Variants in HDAC9 observed in about 807,000 individuals in gnomAD.
The protein encoded by HDAC9 is histone deacetylase 9, also known as MEF-2 interacting transcription repressor (MITR) protein.
In HDAC9, 41 loss-of-function variants were observed where a neutral mutation model predicts 139.4. The ratio of observed to expected loss-of-function variants is 0.29; its 90% CI spans 0.23 to 0.38. The LOEUF (loss-of-function observed/expected upper bound fraction) is 0.38. HDAC9 is among the 10% of genes least tolerant of loss of function. The pLI, the probability that HDAC9 is intolerant of heterozygous loss-of-function variation, is 1.00. For missense variants in HDAC9, 1,147 were observed against 1,297.0 expected (o/e 0.88, Z 1.78); for synonymous variants, 517 against 476.2 (o/e 1.09, Z -1.12).
chr7:18,714,472 G>A (rs1307384873), intron 12 of HDAC9, among the ~76,000 whole-genome samples: 2 of 152,102 alleles, frequency 1.3e-5, no homozygotes, highest in Non-Finnish European at 2.9e-5. Flanking sequence ...TCATTCCCCA[G>A]AATCTCCATA....
chr7:18,806,475 C>T (rs1793720701), intron 17 of HDAC9, among the ~76,000 whole-genome samples: 1 of 152,132 alleles, frequency 6.6e-6, no homozygotes, highest in African/African-American at 2.4e-5. Context: ...CTTTGTACCT[C>T]TACATCTCAG....
chr7:18,929,678 C>CT (rs1443353037), intron 22 of HDAC9, among the ~76,000 whole-genome samples: 19 of 152,134 alleles, frequency 1.2e-4, no homozygotes, highest in African/African-American at 4.6e-4. Flanking sequence ...TAGCTTACGC[C>CT]TGTAATTCCA....
chr7:18,515,342 A>G (rs1380761908), intron 2 of HDAC9, among the ~76,000 whole-genome samples: 1 of 152,212 alleles, frequency 6.6e-6, no homozygotes, highest in Admixed American at 6.5e-5. Context: ...CCAAAAACAC[A>G]TCAGTCATTC....
At chr7:18,841,087 T>C (rs1271390340) in intron 21 of HDAC9, among the ~76,000 whole-genome samples, 1 of 152,100 alleles carries the variant, frequency 6.6e-6, no homozygotes, top group African/African-American at 2.4e-5. Flanking sequence ...GCAGGGCACA[T>C]AAATAAGTTA....
At chr7:18,096,012 C>G (rs1470111566) in intron 1 of HDAC9, among the ~76,000 whole-genome samples, 5 of 152,134 alleles carry the variant, frequency 3.3e-5, no homozygotes, top group African/African-American at 9.7e-5. Flanking sequence ...ATCAAAATTC[C>G]TCAAATAATC....
chr7:18,834,515 G>GTTCTT (rs957747322), intron 19 of HDAC9, among the ~76,000 whole-genome samples: 1 of 145,486 alleles, frequency 6.9e-6, no homozygotes, highest in African/African-American at 2.5e-5. Context: ...GAACTGTCAA[G>GTTCTT]TTTTATATCA....
At chr7:18,541,031 A>G (rs1054443827) in intron 2 of HDAC9, among the ~76,000 whole-genome samples, 1 of 151,692 alleles carries the variant, frequency 6.6e-6, no homozygotes, top group Non-Finnish European at 1.5e-5. Flanking sequence ...CAGGTATTTG[A>G]CTCCAAAGCA....
At chr7:18,206,040 A>G (rs1384331773) in intron 2 of HDAC9, among the ~76,000 whole-genome samples, 1 of 152,174 alleles carries the variant, frequency 6.6e-6, no homozygotes, top group Non-Finnish European at 1.5e-5. Context: ...AATAGTTAAA[A>G]TTTTGAATAG....
In HDAC9 at chr7:18,766,873, A is replaced by C. The variant is rs187694678; in HGVS notation, c.2165-233A>C. On this transcript the variant is annotated intron_variant, in intron 15 of 25. Transcript: ENST00000686413. ...ATTCATGTGGGGCAATAGACTCTAC[A>C]TGCAATAAAATTTATATTGATTTGC... Among the ~76,000 whole-genome samples, 7 of 152,308 alleles carry C rather than the reference A, an allele frequency of 4.6e-5. No homozygotes were observed. In the South Asian group the frequency reaches 1.5e-3, roughly 32 times the overall value.
At chr7:18,260,758 T>C (rs1795616745) in intron 2 of HDAC9, among the ~76,000 whole-genome samples, 1 of 152,204 alleles carries the variant, frequency 6.6e-6, no homozygotes. Context: ...AATGAATAAC[T>C]AGGAGATAAT....
chr7:18,149,441 G>T (rs1400307239), intron 1 of HDAC9, among the ~76,000 whole-genome samples: 3 of 147,240 alleles, frequency 2.0e-5, no homozygotes, highest in Admixed American at 2.0e-4. Flanking sequence ...CTGTAGCCTT[G>T]GCCTCCTGGG....
At chr7:18,382,494 T>C (rs1057036515) in intron 1 of HDAC9, among the ~76,000 whole-genome samples, 1 of 152,254 alleles carries the variant, frequency 6.6e-6, no homozygotes, top group African/African-American at 2.4e-5. Flanking sequence ...ATCTGCCATA[T>C]GGCAGTTACT....
At chr7:18,496,119 C>A in intron 1 of HDAC9, 96 bp downstream of exon 1, 2 of 1,397,762 alleles carry the variant, frequency 1.4e-6, no homozygotes, top group South Asian at 1.3e-5. Context: ...TCTGCTGCTT[C>A]TCCTCAGGGA....
chr7:18,754,776 T>C (rs1256693523), intron 14 of HDAC9, among the ~76,000 whole-genome samples: 1 of 152,136 alleles, frequency 6.6e-6, no homozygotes, highest in Admixed American at 6.6e-5. Context: ...TGCAGAATCT[T>C]ATGATGCCAA....
intron 1 of HDAC9, among the ~76,000 whole-genome samples, chr7:18,423,034 A>G (rs1049152889): frequency 6.6e-6 from 1 of 152,188 alleles, no homozygotes; most frequent in African/African-American, 2.4e-5. Context: ...GCAGACTGCT[A>G]TTGGGTAATT....
intron 21 of HDAC9, among the ~76,000 whole-genome samples, chr7:18,869,300 G>T (rs35057182): frequency 0.013 from 1,995 of 152,072 alleles, 16 homozygotes; most frequent in African/African-American, 0.02. Context: ...GTGGGAGGTT[G>T]ATTGGATCAT....
chr7:18,408,107 C>G (rs1334110660), intron 1 of HDAC9, among the ~76,000 whole-genome samples: 1 of 152,014 alleles, frequency 6.6e-6, no homozygotes, highest in Non-Finnish European at 1.5e-5. Flanking sequence ...AGTTGGTACT[C>G]AATAAGTGTT....
intron 2 of HDAC9, among the ~76,000 whole-genome samples, chr7:18,529,641 A>G (rs1377532853): frequency 6.6e-6 from 1 of 152,212 alleles, no homozygotes; most frequent in African/African-American, 2.4e-5. Context: ...GGTTATATAC[A>G]TTATGTAGTT....
intron 2 of HDAC9, among the ~76,000 whole-genome samples, chr7:18,256,637 A>G (rs867451050): frequency 3.0e-4 from 45 of 152,206 alleles, no homozygotes; most frequent in African/African-American, 1.0e-3. Context: ...GTTAATAAAA[A>G]TTTTAGTTGC....
Sources: allele counts gnomAD v4.1 joint callset (sites outside exome capture counted in the v4.1 genomes callset), GRCh38; gene constraint gnomAD v4.1.1; transcripts MANE v1.5; gene names NCBI Gene and HGNC (gene_info 2026-07-23, HGNC 2026-07-21).